CD47: variants seen among roughly 807,000 people sequenced by gnomAD.
CD47 encodes leukocyte surface antigen CD47.
In CD47, 11 loss-of-function variants were observed where a neutral mutation model predicts 44.6. That is an observed-to-expected ratio of 0.25 (90% CI 0.16 to 0.41). The LOEUF (loss-of-function observed/expected upper bound fraction) is 0.41. CD47 is among the 10% of genes least tolerant of loss of function. The pLI is 1.00. For synonymous variants in CD47, 140 were observed against 136.3 expected (o/e 1.03, Z -0.19); for missense variants, 306 against 386.7 (o/e 0.79, Z 1.75).
At chr3:108,079,912 T>A (rs2079384214) in intron 2 of CD47, 79 bp downstream of exon 2, 8 of 808,304 alleles carry the variant, frequency 9.9e-6, no homozygotes, top group Non-Finnish European at 8.2e-6. Context: ...GGAGTACCTA[T>A]CCCCATTTGG....
chr3:108,064,142 C>A (rs2079064884), intron 3 of CD47, among the ~76,000 whole-genome samples: 2 of 152,112 alleles, frequency 1.3e-5, no homozygotes, highest in Non-Finnish European at 2.9e-5. Context: ...CTTTATTTGA[C>A]AATAATTGAT....
intron 1 of CD47, among the ~76,000 whole-genome samples, chr3:108,086,917 G>A (rs1449681078): frequency 6.6e-6 from 1 of 152,158 alleles, no homozygotes; most frequent in African/African-American, 2.4e-5. Context: ...GGAAAAGTGA[G>A]TAGGTTTTCT....
intron 1 of CD47, among the ~76,000 whole-genome samples, chr3:108,087,927 G>C (rs2079552932): frequency 6.6e-6 from 1 of 152,098 alleles, no homozygotes. Context: ...TTCTACTTTA[G>C]TACTACAATG....
chr3:108,048,635 C>T (rs1348945108), intron 10 of CD47, among the ~76,000 whole-genome samples: 1 of 151,944 alleles, frequency 6.6e-6, no homozygotes, highest in African/African-American at 2.4e-5. Flanking sequence ...CCGCCCGCCT[C>T]GGCCTCCCAA....
At chr3:108,074,594 G>A (rs2079271288) in intron 2 of CD47, among the ~76,000 whole-genome samples, 1 of 151,824 alleles carries the variant, frequency 6.6e-6, no homozygotes, top group Non-Finnish European at 1.5e-5. Context: ...TATTACAGGC[G>A]TGGGCTGCCA....
At position 108,060,817 on chromosome 3, in the gene CD47, T is replaced by G; in HGVS notation, c.526A>C (p.Thr176Pro). Residue 176 changes from threonine (T) to proline (P), a missense_variant, in exon 4 of 11, where the codon ACA becomes CCA. This residue lies in a region of CD47 where 65 missense variants were observed against 119.9 expected (regional missense o/e 0.54). Transcript: ENST00000361309. ...KYRSGGMDEK[T>P]IALLVAGLVI... Reference sequence around the variant, plus strand: ...AGTCCAGCAACAAGTAAAGCAATTGTTTTCTCATCCATACCACCGGATCTA... The same window carrying G: ...AGTCCAGCAACAAGTAAAGCAATTGGTTTCTCATCCATACCACCGGATCTA... 1 of 1,613,214 alleles carries G rather than the reference T, an allele frequency of 6.2e-7. No individual in the cohort carries two copies. Among genetic ancestry groups the G allele is most frequent in the Non-Finnish European group, 8.5e-7 (1 of 1,179,354 alleles).
intron 2 of CD47, among the ~76,000 whole-genome samples, chr3:108,071,713 A>G (rs1216591356): frequency 1.3e-5 from 2 of 152,234 alleles, no homozygotes; most frequent in Non-Finnish European, 2.9e-5. Context: ...GTATGTATTC[A>G]TGTGTTGAGT....
At chr3:108,052,494 A>C (rs1245311806) in intron 7 of CD47, 1 of 155,006 alleles carries the variant, frequency 6.5e-6, no homozygotes, top group East Asian at 1.9e-4. Context: ...GATAGCTCTG[A>C]GTATTCCTCT....
chr3:108,087,671 T>A (rs1488768494), intron 1 of CD47, among the ~76,000 whole-genome samples: 3 of 152,198 alleles, frequency 2.0e-5, no homozygotes. Flanking sequence ...TTGCTTTACC[T>A]TTTAACCTAC....
chr3:108,080,229 T>A lies in CD47; in HGVS notation c.162A>T (p.Val54=). ...TNMEAQNTTE[V]YVKWKFKGRD... is the part of the protein sequence containing the mutation. ...TTCCTTTAAATTTCCACTTTACGTA[T>A]ACTTCAGTAGTGTTTTGTGCCTCCA... Residue 54 remains valine (V), a synonymous_variant, in exon 2 of 11, where the codon GTA becomes GTT. Coordinates refer to ENST00000361309, the MANE Select transcript of CD47 (RefSeq NM_001777.4). The A allele has an allele frequency of 6.2e-7, 1 of 1,612,056 alleles. No individual in the cohort carries two copies. Among genetic ancestry groups the A allele is most frequent in the Non-Finnish European group, 8.5e-7 (1 of 1,178,280 alleles).
Position 108,060,692 on chromosome 3 carries a change from T to C in CD47, c.598+53A>G, listed in dbSNP as rs1381384801. On this transcript the variant is annotated intron_variant, in intron 4 of 10. Coordinates refer to ENST00000361309, the MANE Select transcript of CD47 (RefSeq NM_001777.4). ...GAAACTAATGCAGCCCTCCTCACCT[T>C]GGAATGCACTCATCTACCTCCTGCG... 3.4e-6 allele frequency: 4 copies of C among 1,177,280 alleles called. No individual in the cohort carries two copies. The Admixed American group carries it at 6.8e-5, about 20-fold the overall frequency. 72.9% of individuals were successfully genotyped at this position (1,177,280 alleles called of 1,614,324 possible).
intron 1 of CD47, among the ~76,000 whole-genome samples, chr3:108,089,555 A>G (rs1369987065): frequency 6.6e-6 from 1 of 152,216 alleles, no homozygotes; most frequent in East Asian, 1.9e-4. Flanking sequence ...ACATCTCTGA[A>G]AGCAGTATTA....
chr3:108,068,615 A>G (rs886826467), intron 3 of CD47, among the ~76,000 whole-genome samples: 2 of 152,208 alleles, frequency 1.3e-5, no homozygotes, highest in African/African-American at 4.8e-5. Context: ...TACTATCAGG[A>G]AACGGCTGGG....
At position 108,080,287 on chromosome 3, in the gene CD47, T is replaced by C; in HGVS notation, c.104A>G (p.Asp35Gly). 10 of 1,611,950 alleles carry C rather than the reference T, an allele frequency of 6.2e-6. No individual in the cohort carries two copies. Among genetic ancestry groups the C allele is most frequent in the Non-Finnish European group, 7.6e-6 (9 of 1,178,448 alleles). ...AACAAAGCATGGAATGACGACAGTG[T>C]CATTACAAAACGTGAATTCTACAGA... ...TKSVEFTFCN[D>G]TVVIPCFVTN... Residue 35 changes from aspartate (D) to glycine (G), a missense_variant, in exon 2 of 11, where the codon GAC (aspartate) becomes GGC (glycine). Around this residue, in one of 5 missense-constraint regions of CD47, gnomAD observed 38 missense variants for 42.7 expected, o/e 0.89. Transcript: ENST00000361309.
intron 8 of CD47, 51 bp from the exon 9 acceptor site, chr3:108,050,653 C>A: frequency 4.7e-6 from 3 of 642,614 alleles, no homozygotes; most frequent in Admixed American, 3.0e-5. Context: ...TATGTCATGT[C>A]ATTTTATAGT....
rs556127519 is a variant in CD47 at position 108,089,211 on chromosome 3, CT to C, written c.46+1651del. On this transcript the variant is annotated intron_variant, in intron 1 of 10. Transcript: ENST00000361309. ...TCAACTGCATAATGCCTGTATTTTG[CT>C]TTTTTTTTAGGTTAATATTAACTAA... Among the ~76,000 whole-genome samples, 885 of 150,828 alleles carry C rather than the reference CT, an allele frequency of 5.9e-3. 3 individuals are homozygous for C. Among genetic ancestry groups the C allele is most frequent in the African/African-American group, 0.019 (776 of 41,064 alleles).
chr3:108,062,071 A>T (rs1277009065), intron 3 of CD47, among the ~76,000 whole-genome samples: 3 of 152,158 alleles, frequency 2.0e-5, no homozygotes, highest in Non-Finnish European at 2.9e-5. Context: ...AGTCCTAAGC[A>T]ATAAATAACC....
intron 1 of CD47, among the ~76,000 whole-genome samples, chr3:108,084,124 C>T (rs1000114154): frequency 8.6e-5 from 13 of 151,922 alleles, no homozygotes; most frequent in African/African-American, 3.1e-4. Flanking sequence ...CTCTCCCTAG[C>T]ATCCCAAATT....
chr3:108,054,776 T>C (rs2078885384), intron 7 of CD47: 1 of 152,244 alleles, frequency 6.6e-6, no homozygotes, highest in Non-Finnish European at 1.5e-5. Flanking sequence ...ATTCTACGTA[T>C]ATATTCTGCA....
Sources: allele counts gnomAD v4.1 joint callset (sites outside exome capture counted in the v4.1 genomes callset), GRCh38; gene constraint gnomAD v4.1.1; regional missense constraint gnomAD v4.1.1; transcripts MANE v1.5; gene names NCBI Gene and HGNC (gene_info 2026-07-23, HGNC 2026-07-21).